The following KCND2 variants were observed in gnomAD, a reference collection of about 807,000 sequenced individuals.
The protein encoded by KCND2 is potassium voltage-gated channel subfamily D member 2.
In KCND2, 16 loss-of-function variants were observed where a neutral mutation model predicts 54.4. That is an observed-to-expected ratio of 0.29 (90% CI 0.20 to 0.45). The LOEUF (loss-of-function observed/expected upper bound fraction) is 0.45. KCND2 is among the 20% of genes least tolerant of loss of function. KCND2 has a pLI of 1.00. For synonymous variants in KCND2, 317 were observed against 310.7 expected (o/e 1.02, Z -0.21); for missense variants, 486 against 824.2 (o/e 0.59, Z 5.02).
At chr7:120,281,927 C>T (rs1426641258) in intron 1 of KCND2, among the ~76,000 whole-genome samples, 4 of 152,166 alleles carry the variant, frequency 2.6e-5, no homozygotes, top group Non-Finnish European at 5.9e-5. Flanking sequence ...GTCCTCTCAT[C>T]TACTAAATGT....
intron 1 of KCND2, among the ~76,000 whole-genome samples, chr7:120,500,666 TTA>T (rs1432516595): frequency 3.3e-5 from 5 of 151,984 alleles, no homozygotes; most frequent in Admixed American, 1.3e-4. Flanking sequence ...AAAATTAAAA[TTA>T]TGTTTGAGTT....
intron 1 of KCND2, among the ~76,000 whole-genome samples, chr7:120,345,249 A>T (rs1040356979): frequency 6.6e-6 from 1 of 152,166 alleles, no homozygotes; most frequent in Non-Finnish European, 1.5e-5. Context: ...AAATTTGAGA[A>T]ATGAGTGGTT....
chr7:120,395,476 G>A (rs1254711345), intron 1 of KCND2, among the ~76,000 whole-genome samples: 1 of 151,852 alleles, frequency 6.6e-6, no homozygotes, highest in East Asian at 1.9e-4. Flanking sequence ...ACAAAATTGG[G>A]GCCTAGCCTG....
At chr7:120,556,918 G>T (rs1441832110) in intron 1 of KCND2, among the ~76,000 whole-genome samples, 2 of 152,088 alleles carry the variant, frequency 1.3e-5, no homozygotes, top group African/African-American at 4.8e-5. Context: ...TGGAGATTTT[G>T]CAATGTTATT....
chr7:120,450,655 C>T (rs1802089534), intron 1 of KCND2, among the ~76,000 whole-genome samples: 2 of 152,150 alleles, frequency 1.3e-5, no homozygotes, highest in African/African-American at 4.8e-5. Flanking sequence ...CATGATCTGA[C>T]TTAGAATCAT....
chr7:120,489,195 C>A (rs1051595813), intron 1 of KCND2, among the ~76,000 whole-genome samples: 4 of 151,770 alleles, frequency 2.6e-5, no homozygotes, highest in Admixed American at 2.6e-4. Flanking sequence ...GGAAATAATT[C>A]TTACATAAAA....
intron 1 of KCND2, among the ~76,000 whole-genome samples, chr7:120,701,793 A>G (rs1323970368): frequency 2.6e-5 from 4 of 152,118 alleles, no homozygotes; most frequent in African/African-American, 9.7e-5. Flanking sequence ...CTTACACCAT[A>G]TATAAAAATT....
intron 1 of KCND2, among the ~76,000 whole-genome samples, chr7:120,630,393 C>T (rs1361559930): frequency 1.3e-5 from 2 of 152,036 alleles, no homozygotes; most frequent in Non-Finnish European, 2.9e-5. Flanking sequence ...CTCCTTTTTT[C>T]CCCCAAACTA....
At chr7:120,714,321 A>T (rs2116079109) in intron 1 of KCND2, among the ~76,000 whole-genome samples, 1 of 152,174 alleles carries the variant, frequency 6.6e-6, no homozygotes, top group East Asian at 1.9e-4. Context: ...ACAAAAAAAA[A>T]TAAATTACTG....
At chr7:120,568,625 T>C (rs1792326937) in intron 1 of KCND2, among the ~76,000 whole-genome samples, 1 of 152,086 alleles carries the variant, frequency 6.6e-6, no homozygotes, top group African/African-American at 2.4e-5. Context: ...CTTGCCTTTG[T>C]GTTGGGAAAT....
chr7:120,617,789 G>A (rs1055733452), intron 1 of KCND2, among the ~76,000 whole-genome samples: 2 of 152,128 alleles, frequency 1.3e-5, no homozygotes, highest in African/African-American at 4.8e-5. Context: ...TATGGTACAT[G>A]TACACCATGG....
At chr7:120,518,968 T>G (rs1044906181) in intron 1 of KCND2, among the ~76,000 whole-genome samples, 2 of 152,060 alleles carry the variant, frequency 1.3e-5, no homozygotes, top group African/African-American at 4.8e-5. Flanking sequence ...TATGTCAGAT[T>G]TGAAGCATAC....
intron 1 of KCND2, among the ~76,000 whole-genome samples, chr7:120,419,674 A>G (rs1801581494): frequency 6.6e-6 from 1 of 152,206 alleles, no homozygotes; most frequent in African/African-American, 2.4e-5. Flanking sequence ...GTATATATGC[A>G]TATATACATA....
At chr7:120,423,451 G>A (rs912251423) in intron 1 of KCND2, among the ~76,000 whole-genome samples, 1 of 152,198 alleles carries the variant, frequency 6.6e-6, no homozygotes, top group African/African-American at 2.4e-5. Context: ...GAAATTAATT[G>A]TCACTCCACA....
At chr7:120,488,209 T>A (rs1802722518) in intron 1 of KCND2, among the ~76,000 whole-genome samples, 1 of 151,930 alleles carries the variant, frequency 6.6e-6, no homozygotes, top group Admixed American at 6.6e-5. Context: ...AATGAAGTTA[T>A]TCATTATGAA....
chr7:120,391,011 A>G (rs1247817415), intron 1 of KCND2, among the ~76,000 whole-genome samples: 1 of 152,010 alleles, frequency 6.6e-6, no homozygotes, highest in African/African-American at 2.4e-5. Flanking sequence ...TCTACACATC[A>G]TCTAGGTTTT....
chr7:120,725,817 A>G (rs1384546365), intron 1 of KCND2, among the ~76,000 whole-genome samples: 1 of 152,176 alleles, frequency 6.6e-6, no homozygotes, highest in Non-Finnish European at 1.5e-5. Context: ...TGGATAATTT[A>G]ATAACACCTG....
intron 1 of KCND2, among the ~76,000 whole-genome samples, chr7:120,442,598 T>G (rs552116954): frequency 6.6e-6 from 1 of 152,216 alleles, no homozygotes; most frequent in African/African-American, 2.4e-5. Flanking sequence ...CATCATGATT[T>G]ATGTAGTTAG....
At chr7:120,674,797 T>G (rs1013245158) in intron 1 of KCND2, among the ~76,000 whole-genome samples, 1 of 152,216 alleles carries the variant, frequency 6.6e-6, no homozygotes, top group African/African-American at 2.4e-5. Context: ...TGTATTGCTT[T>G]ATATTACTTA....
Sources: gnomAD v4.1 joint callset for allele counts (sites outside exome capture counted in the v4.1 genomes callset) on GRCh38, gnomAD v4.1.1 for gene constraint, MANE v1.5 for transcripts, NCBI Gene and HGNC (gene_info 2026-07-23, HGNC 2026-07-21) for gene names.